SULF2: variants seen among roughly 807,000 people sequenced by gnomAD.
SULF2 encodes sulfatase 2, also known as extracellular sulfatase Sulf-2.
In SULF2, 52 loss-of-function variants were observed where a neutral mutation model predicts 107.7. The ratio of observed to expected loss-of-function variants is 0.48; its 90% CI spans 0.39 to 0.61. The LOEUF (loss-of-function observed/expected upper bound fraction) is 0.61. Ranked by LOEUF, SULF2 falls within the 20% of genes least tolerant of loss-of-function variation. SULF2 has a pLI of 0.00. For missense variants in SULF2, 993 were observed against 1,177.3 expected, an observed-to-expected ratio of 0.84 and a Z score of 2.29; for synonymous variants, 460 against 464.3, an observed-to-expected ratio of 0.99 and a Z score of 0.12.
At chr20:47,672,172 CCACT>C in intron 11 of SULF2, 22 bp downstream of exon 11, 10 of 1,582,498 alleles carry the variant, frequency 6.3e-6, no homozygotes, top group Non-Finnish European at 8.6e-6. Flanking sequence ...TCCTCCTGTC[CCACT>C]CAGCCAGGTT....
chr20:47,781,467 G>A (rs1363935157), intron 1 of SULF2, among the ~76,000 whole-genome samples: 1 of 152,216 alleles, frequency 6.6e-6, no homozygotes, highest in Non-Finnish European at 1.5e-5. Flanking sequence ...TCCTTAGCCA[G>A]TGACTGGTTT....
At position 47,691,564 on chromosome 20, in the gene SULF2, T is replaced by A. The variant is rs560699648; in HGVS notation, c.568-1269A>T. Among the ~76,000 whole-genome samples, 19 of 152,306 alleles carry A rather than the reference T, an allele frequency of 1.2e-4. No homozygotes were observed. In the East Asian group the frequency reaches 3.7e-3, roughly 29 times the overall value. ...TCTAATGGGTACTCAGGATTGAGAA[T>A]CACTGATCCAGGAAAGAGTTCCAGG... On this transcript the variant is annotated intron_variant, in intron 4 of 20. Transcript: ENST00000688720.
intron 1 of SULF2, among the ~76,000 whole-genome samples, chr20:47,763,723 G>T (rs1386384924): frequency 6.6e-6 from 1 of 152,112 alleles, no homozygotes; most frequent in African/African-American, 2.4e-5. Flanking sequence ...ACGTATGAAG[G>T]ACCTCCTATG....
In SULF2 at chr20:47,672,250, G is replaced by A. The variant is rs370885676; in HGVS notation, c.1524C>T (p.Ser508=). ...CGGCCAGGCTGAGCTTGTAGTCCCC[G>A]CTGTCACAGGTGCAGGCCTCGCTGC... The part of the protein sequence containing the change: ...GQGSEACTCD[S]GDYKLSLAGR... The change falls in exon 11 of 21, where the codon AGC becomes AGT. Residue 508 remains serine (S), a synonymous_variant. Coordinates refer to ENST00000688720, the MANE Select transcript of SULF2 (RefSeq NM_001387048.1). 48 of 1,613,116 alleles carry A rather than the reference G, an allele frequency of 3.0e-5. No homozygotes were observed. The highest frequency in any genetic ancestry group is 1.6e-4 in the African/African-American group (12 of 74,912).
chr20:47,687,096 T>C (rs539880616), intron 5 of SULF2, among the ~76,000 whole-genome samples: 207 of 152,306 alleles, frequency 1.4e-3, no homozygotes, highest in African/African-American at 4.6e-3. Flanking sequence ...GGATGCAATT[T>C]TCAGCAATCA....
intron 17 of SULF2, among the ~76,000 whole-genome samples, chr20:47,662,431 A>G (rs904396294): frequency 6.6e-6 from 1 of 152,244 alleles, no homozygotes; most frequent in African/African-American, 2.4e-5. Context: ...TGCTGCTGAC[A>G]TTTAAACATC....
At chr20:47,702,037 A>G (rs543744945) in intron 4 of SULF2, among the ~76,000 whole-genome samples, 1 of 152,194 alleles carries the variant, frequency 6.6e-6, no homozygotes, top group South Asian at 2.1e-4. Context: ...AACAGACACT[A>G]TTTTTTGAGA....
chr20:47,786,544 G>A (rs1306406215), upstream of SULF2: 1 of 152,178 alleles, frequency 6.6e-6, no homozygotes, highest in Non-Finnish European at 1.5e-5. Context: ...AGCTGCCTGT[G>A]CGCGCCCGAG....
chr20:47,762,696 G>A (rs1355119473), intron 1 of SULF2, among the ~76,000 whole-genome samples: 1 of 152,234 alleles, frequency 6.6e-6, no homozygotes, highest in East Asian at 1.9e-4. Flanking sequence ...TGTGATGCCA[G>A]GGTACAGGGG....
At chr20:47,747,018 T>TATACAC (rs1232551264) in intron 2 of SULF2, among the ~76,000 whole-genome samples, 189 of 75,078 alleles carry the variant, frequency 2.5e-3, no homozygotes, top group African/African-American at 7.3e-3. Context: ...TATATATATA[T>TATACAC]ACACACACAC....
chr20:47,690,076 C>T, intron 5 of SULF2, 50 bp downstream of exon 5: 2 of 1,350,884 alleles, frequency 1.5e-6, no homozygotes, highest in Non-Finnish European at 1.9e-6. Context: ...GCCTGACCCT[C>T]CCCCTTCATG....
intron 2 of SULF2, among the ~76,000 whole-genome samples, chr20:47,744,795 T>C (rs2089968536): frequency 6.6e-6 from 1 of 152,106 alleles, no homozygotes. Context: ...AGAGGGGCAT[T>C]AAAGTCCACC....
intron 4 of SULF2, among the ~76,000 whole-genome samples, chr20:47,695,574 G>A (rs919427553): frequency 1.2e-4 from 18 of 152,166 alleles, no homozygotes; most frequent in African/African-American, 4.3e-4. Context: ...TTAGCATAAT[G>A]TTCTCAAGGT....
intron 18 of SULF2, 127 bp from the exon 19 acceptor site, chr20:47,659,857 AGAGTAGACTGAATTATGAG>A (rs1465929261): frequency 4.2e-6 from 3 of 709,180 alleles, no homozygotes; most frequent in Non-Finnish European, 7.4e-6. Context: ...TTCCCTACTC[AGAGTAGACTGAATTATGAG>A]GGGTAGACTG....
chr20:47,705,043 T>G, intron 3 of SULF2, among the ~76,000 whole-genome samples: 1 of 151,694 alleles, frequency 6.6e-6, no homozygotes, highest in African/African-American at 2.4e-5. Flanking sequence ...TTTCCAGGAG[T>G]GGGAAAACCC....
chr20:47,776,218 G>C (rs150413593), intron 1 of SULF2, among the ~76,000 whole-genome samples: 1 of 152,352 alleles, frequency 6.6e-6, no homozygotes, highest in African/African-American at 2.4e-5. Context: ...TGAAAATCCA[G>C]ATTTTTAAAA....
intron 4 of SULF2, among the ~76,000 whole-genome samples, chr20:47,699,612 T>A (rs4809642): frequency 0.19 from 29,354 of 151,928 alleles, 2,978 homozygotes; most frequent in East Asian, 0.36. Context: ...TGACTCCAAA[T>A]GTGAAACTCA....
At chr20:47,747,615 G>A (rs1188722421) in intron 2 of SULF2, among the ~76,000 whole-genome samples, 1 of 152,040 alleles carries the variant, frequency 6.6e-6, no homozygotes, top group East Asian at 1.9e-4. Context: ...TTATTCAATG[G>A]GGCAGGGCTT....
chr20:47,722,060 T>C (rs938323249), intron 3 of SULF2, among the ~76,000 whole-genome samples: 6 of 152,166 alleles, frequency 3.9e-5, no homozygotes, highest in African/African-American at 1.2e-4. Flanking sequence ...ACCTTCCTAA[T>C]AAAGCCAACC....
Sources: gnomAD v4.1 joint callset for allele counts (sites outside exome capture counted in the v4.1 genomes callset) on GRCh38, gnomAD v4.1.1 for gene constraint, MANE v1.5 for transcripts, NCBI Gene and HGNC (gene_info 2026-07-23, HGNC 2026-07-21) for gene names.